Variants in AK9 observed in about 807,000 individuals in gnomAD.
AK9 encodes the protein adenylate kinase domain containing 1.
AK9 carries 191 observed loss-of-function variants against 239.6 expected under a neutral mutation model. The observed-to-expected ratio is 0.80, with a 90% confidence interval of 0.71 to 0.90. The LOEUF (loss-of-function observed/expected upper bound fraction) is 0.90. Ranked by LOEUF, AK9 falls within the 40% of genes least tolerant of loss-of-function variation. The pLI is 0.00. For synonymous variants in AK9, 689 were observed against 721.0 expected, an observed-to-expected ratio of 0.96 and a Z score of 0.71; for missense variants, 1,995 against 2,214.7, an observed-to-expected ratio of 0.90 and a Z score of 1.99.
Position 109,670,187 on chromosome 6 carries a change from T to TG in AK9, c.331+1731dup, listed in dbSNP as rs373532451. 5.8e-3 allele frequency among the ~76,000 whole-genome samples: 884 copies of TG among 152,336 alleles called. 6 individuals are homozygous for TG. Among genetic ancestry groups the TG allele is most frequent in the African/African-American group, 0.02 (846 of 41,582 alleles). On this transcript the variant is annotated intron_variant, in intron 5 of 40. Transcript: ENST00000424296. ...CTAATCACTTGTACTATGTGAAACC[T>TG]GGTTAGATCCTGCTTCAAAAAAAAT... is the stretch of plus-strand genomic sequence containing the variant.
At chr6:109,542,293 T>C in intron 26 of AK9, 122 bp from the exon 27 acceptor site, 1 of 917,662 alleles carries the variant, frequency 1.1e-6, no homozygotes, top group South Asian at 1.8e-5. Flanking sequence ...AGAATGAAAG[T>C]TACCACAGGC....
chr6:109,648,119 T>G lies in AK9; in HGVS notation c.760-3431A>C, dbSNP rs1386100243. Among the ~76,000 whole-genome samples, 6 of 152,148 alleles carry G rather than the reference T, an allele frequency of 3.9e-5. No individual in the cohort carries two copies. The South Asian group carries it at 1.2e-3, about 32-fold the overall frequency. The stretch of plus-strand genomic sequence containing the variant: ...GTAGAGGGAAATTTATAGCACTAAA[T>G]GCCCACAAGAGAAAGCAGGCAAGAT... On this transcript the variant is annotated intron_variant, in intron 8 of 40. Coordinates refer to ENST00000424296, the MANE Select transcript of AK9 (RefSeq NM_001145128.3).
At chr6:109,601,564 G>C (rs1308762081) in intron 17 of AK9, among the ~76,000 whole-genome samples, 1 of 152,152 alleles carries the variant, frequency 6.6e-6, no homozygotes, top group Non-Finnish European at 1.5e-5. Context: ...TGTTGATTTG[G>C]GGTGGAGAGT....
chr6:109,572,255 T>C (rs1787516623), intron 21 of AK9, among the ~76,000 whole-genome samples: 1 of 152,162 alleles, frequency 6.6e-6, no homozygotes, highest in Admixed American at 6.5e-5. Context: ...CCCCCTCTCG[T>C]CTTCTATTCC....
At chr6:109,509,119 C>A in intron 33 of AK9, 60 bp downstream of exon 33, 1 of 1,462,368 alleles carries the variant, frequency 6.8e-7, no homozygotes, top group Admixed American at 2.2e-5. Context: ...AAATCACGAG[C>A]GAGCAGTTTC....
intron 17 of AK9, among the ~76,000 whole-genome samples, chr6:109,599,419 G>A (rs1212372086): frequency 1.3e-5 from 2 of 152,094 alleles, no homozygotes; most frequent in African/African-American, 4.8e-5. Flanking sequence ...GCTCTGTTCT[G>A]TTCCATTGGT....
chr6:109,534,469 TTTC>T (rs1781706692), intron 27 of AK9, among the ~76,000 whole-genome samples: 1 of 150,126 alleles, frequency 6.7e-6, no homozygotes, highest in Admixed American at 6.6e-5. Flanking sequence ...AAATATATAT[TTTC>T]TTCTTAATAC....
intron 21 of AK9, among the ~76,000 whole-genome samples, chr6:109,568,505 G>A (rs1293248365): frequency 1.3e-5 from 2 of 152,164 alleles, no homozygotes; most frequent in African/African-American, 4.8e-5. Flanking sequence ...GTTTGCAAAT[G>A]ACATGATTGT....
At chr6:109,507,891 A>G (rs962891291) in intron 33 of AK9, among the ~76,000 whole-genome samples, 1 of 152,226 alleles carries the variant, frequency 6.6e-6, no homozygotes, top group African/African-American at 2.4e-5. Context: ...AACCACTCAT[A>G]GACTGCTAAG....
chr6:109,568,600 T>C (rs1474151491), intron 21 of AK9, among the ~76,000 whole-genome samples: 2 of 152,196 alleles, frequency 1.3e-5, no homozygotes, highest in African/African-American at 4.8e-5. Flanking sequence ...ACAAAATCAA[T>C]GTGCAAAAAT....
intron 24 of AK9, among the ~76,000 whole-genome samples, chr6:109,561,009 A>T (rs1785682553): frequency 6.6e-6 from 1 of 151,884 alleles, no homozygotes; most frequent in Non-Finnish European, 1.5e-5. Context: ...CCTAGGCTGG[A>T]GTGCAATGGC....
intron 28 of AK9, among the ~76,000 whole-genome samples, chr6:109,532,243 A>G (rs942923): frequency 0.58 from 88,552 of 152,042 alleles, 27,478 homozygotes; most frequent in South Asian, 0.84. Context: ...TTCAGTCTTG[A>G]TTCTTTTTGA....
At chr6:109,536,936 G>T (rs1469870873) in intron 27 of AK9, among the ~76,000 whole-genome samples, 1 of 152,128 alleles carries the variant, frequency 6.6e-6, no homozygotes, top group Non-Finnish European at 1.5e-5. Flanking sequence ...AACCAGCCTT[G>T]CATCCTAGGG....
chr6:109,539,308 ACTCTTTTTT>A (rs1459959944), intron 27 of AK9, among the ~76,000 whole-genome samples: 3 of 150,562 alleles, frequency 2.0e-5, no homozygotes, highest in Non-Finnish European at 4.4e-5. Flanking sequence ...ATTTCTTTTT[ACTCTTTTTT>A]CTCTAATCTT....
At chr6:109,528,796 G>A in intron 29 of AK9, 1 of 729,138 alleles carries the variant, frequency 1.4e-6, no homozygotes, top group South Asian at 1.5e-5. Flanking sequence ...AAGAGGGTCA[G>A]CCTTGAAAAG....
chr6:109,642,186 G>A (rs12197950), intron 9 of AK9, among the ~76,000 whole-genome samples: 52,579 of 151,994 alleles, frequency 0.35, 9,562 homozygotes, highest in South Asian at 0.44. Flanking sequence ...CTTGATTTTG[G>A]ACTTTTAGCC....
intron 17 of AK9, among the ~76,000 whole-genome samples, chr6:109,609,642 A>G (rs1167580766): frequency 1.3e-5 from 2 of 152,214 alleles, no homozygotes; most frequent in Non-Finnish European, 2.9e-5. Context: ...GGACTTGAGG[A>G]AACCACCCAA....
intron 7 of AK9, among the ~76,000 whole-genome samples, chr6:109,657,656 C>T (rs1047669326): frequency 2.0e-5 from 3 of 151,598 alleles, no homozygotes; most frequent in African/African-American, 4.9e-5. Context: ...CCCATTAACT[C>T]GTCATTTACA....
chr6:109,567,499 G>T (rs1373723126), intron 21 of AK9, among the ~76,000 whole-genome samples: 1 of 152,058 alleles, frequency 6.6e-6, no homozygotes, highest in Non-Finnish European at 1.5e-5. Context: ...TCTACCAGAG[G>T]TACAAATAGG....
Sources: gnomAD v4.1 joint callset for allele counts (sites outside exome capture counted in the v4.1 genomes callset) on GRCh38, gnomAD v4.1.1 for gene constraint, MANE v1.5 for transcripts, NCBI Gene and HGNC (gene_info 2026-07-23, HGNC 2026-07-21) for gene names.